LEO1: variants seen among roughly 807,000 people sequenced by gnomAD.
The protein encoded by LEO1 is RNA polymerase-associated protein LEO1.
A neutral mutation model predicts 80.4 loss-of-function variants in LEO1; 34 were observed. The observed-to-expected ratio is 0.42, with a 90% CI of 0.32 to 0.56. LEO1 has a LOEUF of 0.56. Ranked by LOEUF, LEO1 falls within the 20% of genes least tolerant of loss-of-function variation. LEO1 has a pLI of 0.10. For missense variants in LEO1, 631 were observed against 814.2 expected (o/e 0.77, Z 2.74); for synonymous variants, 262 against 274.9 (o/e 0.95, Z 0.46).
intron 10 of LEO1, among the ~76,000 whole-genome samples, chr15:51,949,135 C>A (rs1209755235): frequency 1.3e-5 from 2 of 152,090 alleles, no homozygotes; most frequent in Admixed American, 6.6e-5. Context: ...ATCAGTGATA[C>A]TTGTGAAAGG....
intron 1 of LEO1, among the ~76,000 whole-genome samples, chr15:51,966,710 A>G (rs2057080935): frequency 6.6e-6 from 1 of 152,174 alleles, no homozygotes; most frequent in African/African-American, 2.4e-5. Context: ...CAGGAGTTCG[A>G]GACCAGCCTG....
intron 3 of LEO1, among the ~76,000 whole-genome samples, chr15:51,962,033 A>G (rs1566886438): frequency 6.6e-6 from 1 of 151,956 alleles, no homozygotes; most frequent in Non-Finnish European, 1.5e-5. Flanking sequence ...GCATGGTGGT[A>G]CGTTCCTGTA....
In LEO1 at chr15:51,967,938, C is replaced by T. The variant is rs989521122; in HGVS notation, c.59-1434G>A. Among the ~76,000 whole-genome samples, 5 of 152,192 alleles carry T rather than the reference C, an allele frequency of 3.3e-5. No individual in the cohort carries two copies. In the South Asian group the frequency reaches 6.2e-4, roughly 19 times the overall value. On this transcript the variant is annotated intron_variant, in intron 1 of 11. Coordinates refer to ENST00000299601, the MANE Select transcript of LEO1 (RefSeq NM_138792.4). ...GTGGCTCATGCCTGTAATCCCAACA[C>T]TTTGGGAAGCCAAGGTGGCTGGATC...
chr15:51,954,309 G>A (rs2056971488), intron 7 of LEO1, among the ~76,000 whole-genome samples, 172 bp downstream of exon 7: 1 of 151,938 alleles, frequency 6.6e-6, no homozygotes, highest in African/African-American at 2.4e-5. Flanking sequence ...TTAGGACTAG[G>A]AGTCTGAGGC....
At chr15:51,968,182 C>CAAAT (rs1423761327) in intron 1 of LEO1, among the ~76,000 whole-genome samples, 8 of 151,994 alleles carry the variant, frequency 5.3e-5, no homozygotes, top group South Asian at 4.1e-4. Flanking sequence ...GACTCCATCT[C>CAAAT]AAATAAATAA....
intron 9 of LEO1, among the ~76,000 whole-genome samples, chr15:51,951,250 C>G (rs2056946404): frequency 6.6e-6 from 1 of 152,244 alleles, no homozygotes; most frequent in Non-Finnish European, 1.5e-5. Flanking sequence ...GCCTGTACTA[C>G]TGCATATGGC....
chr15:51,938,400 G>T (rs775873833), intron 11 of LEO1, 140 bp from the exon 12 acceptor site: 17 of 603,828 alleles, frequency 2.8e-5, no homozygotes, highest in Non-Finnish European at 4.7e-5. Flanking sequence ...AGATTGTGAG[G>T]TGTCAGCAAC....
At chr15:51,956,960 G>A (rs2056994317) in intron 6 of LEO1, among the ~76,000 whole-genome samples, 1 of 152,104 alleles carries the variant, frequency 6.6e-6, no homozygotes, top group Admixed American at 6.5e-5. Flanking sequence ...TGGAGTAGCT[G>A]TGACTATGGG....
intron 11 of LEO1, among the ~76,000 whole-genome samples, chr15:51,943,178 G>C (rs940673454): frequency 6.6e-6 from 1 of 151,808 alleles, no homozygotes; most frequent in Non-Finnish European, 1.5e-5. Flanking sequence ...AGCAGTTCAA[G>C]ACCAGCCTGG....
chr15:51,963,985 T>A (rs1163876619), intron 2 of LEO1, among the ~76,000 whole-genome samples: 1 of 150,408 alleles, frequency 6.6e-6, no homozygotes, highest in Non-Finnish European at 1.5e-5. Flanking sequence ...AGCAGGCGGA[T>A]CACGAGGTCA....
At chr15:51,971,012 A>T (rs1047278135) in intron 1 of LEO1, among the ~76,000 whole-genome samples, 6 of 152,184 alleles carry the variant, frequency 3.9e-5, no homozygotes, top group African/African-American at 1.4e-4. Flanking sequence ...TCCAAGCAGC[A>T]TGCACATACA....
intron 11 of LEO1, among the ~76,000 whole-genome samples, chr15:51,942,420 A>C (rs2593201): frequency 1.4e-4 from 19 of 133,602 alleles, no homozygotes; most frequent in African/African-American, 4.5e-4. Context: ...GGATCACTTA[A>C]AAAAAAAAAA....
chr15:51,952,345 TTAA>T (rs1457494009), intron 8 of LEO1: 2 of 150,460 alleles, frequency 1.3e-5, no homozygotes, highest in Admixed American at 6.6e-5. Flanking sequence ...TATATTAATA[TTAA>T]TATAATTATC....
At chr15:51,969,355 C>T (rs2959297) in intron 1 of LEO1, among the ~76,000 whole-genome samples, 7,214 of 151,748 alleles carry the variant, frequency 0.048, 399 homozygotes, top group African/African-American at 0.12. Flanking sequence ...TGTTCAACGG[C>T]TGGGCGCAGT....
chr15:51,944,826 T>C (rs896977886), intron 11 of LEO1, among the ~76,000 whole-genome samples: 1 of 152,184 alleles, frequency 6.6e-6, no homozygotes, highest in African/African-American at 2.4e-5. Flanking sequence ...AATTTTAACT[T>C]TACAGCAACG....
At chr15:51,941,894 G>A (rs964793710) in intron 11 of LEO1, among the ~76,000 whole-genome samples, 1 of 152,232 alleles carries the variant, frequency 6.6e-6, no homozygotes, top group Non-Finnish European at 1.5e-5. Flanking sequence ...AGGAAATAGA[G>A]ATATGAGATG....
intron 2 of LEO1, among the ~76,000 whole-genome samples, chr15:51,964,316 C>T (rs535641888): frequency 7.2e-5 from 11 of 152,160 alleles, no homozygotes; most frequent in South Asian, 4.2e-4. Flanking sequence ...AACCAAACAC[C>T]GCATGTTCTC....
At chr15:51,954,439 C>G in intron 7 of LEO1, 42 bp downstream of exon 7, 1 of 1,196,948 alleles carries the variant, frequency 8.4e-7, no homozygotes, top group East Asian at 2.3e-5. Context: ...CCCTCTGACC[C>G]GTTCTGGGTA....
chr15:51,965,689 G>A, intron 2 of LEO1, 60 bp downstream of exon 2: 1 of 1,527,628 alleles, frequency 6.5e-7, no homozygotes, highest in Non-Finnish European at 8.7e-7. Context: ...AGACTAAATG[G>A]GTCCCTGCTG....
Sources: gnomAD v4.1 joint callset for allele counts (sites outside exome capture counted in the v4.1 genomes callset) on GRCh38, gnomAD v4.1.1 for gene constraint, MANE v1.5 for transcripts, NCBI Gene and HGNC (gene_info 2026-07-23, HGNC 2026-07-21) for gene names.